Variants in WWOX observed in about 807,000 individuals in gnomAD.
WWOX encodes WW domain-containing oxidoreductase.
WWOX carries 69 observed loss-of-function variants against 46.2 expected under a neutral mutation model. That is an observed-to-expected ratio of 1.49 (90% CI 1.23 to 1.82). The LOEUF (loss-of-function observed/expected upper bound fraction) is 1.82, where lower values mean the gene tolerates loss of function less well. Ranked by LOEUF, WWOX falls within the 40% of genes most tolerant of loss-of-function variation. The pLI is 0.00. For synonymous variants in WWOX, 359 were observed against 202.6 expected (o/e 1.77, Z -6.56); for missense variants, 919 against 542.6 (o/e 1.69, Z -6.89).
At chr16:79,162,061 T>C (rs2050496962) in intron 8 of WWOX, among the ~76,000 whole-genome samples, 1 of 152,166 alleles carries the variant, frequency 6.6e-6, no homozygotes, top group South Asian at 2.1e-4. Flanking sequence ...AAGTTACGGG[T>C]AGTTATTGAA....
chr16:78,100,146 G>A (rs2031665318), intron 1 of WWOX: 5 of 1,323,834 alleles, frequency 3.8e-6, no homozygotes, highest in Non-Finnish European at 3.9e-6. Flanking sequence ...GCGGCGCGGC[G>A]AGGGCAAAGC....
intron 8 of WWOX, among the ~76,000 whole-genome samples, chr16:78,676,518 C>G (rs535711831): frequency 6.6e-6 from 1 of 151,804 alleles, no homozygotes; most frequent in South Asian, 2.1e-4. Flanking sequence ...CAGGAAAGCA[C>G]ATTGTTCCAA....
chr16:79,164,182 T>C (rs567063293), intron 8 of WWOX, among the ~76,000 whole-genome samples: 2 of 152,312 alleles, frequency 1.3e-5, no homozygotes, highest in Non-Finnish European at 2.9e-5. Context: ...ATCAATACTT[T>C]CATGTCTGTT....
intron 8 of WWOX, chr16:78,890,306 T>C (rs2044561197): frequency 7.3e-6 from 1 of 137,794 alleles, no homozygotes; most frequent in Admixed American, 6.8e-5. Flanking sequence ...TTATTTGACC[T>C]CTTGCCTCTC....
intron 5 of WWOX, chr16:78,167,834 T>G (rs2035022737): frequency 6.6e-6 from 1 of 152,250 alleles, no homozygotes; most frequent in African/African-American, 2.4e-5. Context: ...TCCTTGACCC[T>G]TGATATTTGC....
chr16:78,843,768 G>A (rs1597708475), intron 8 of WWOX, among the ~76,000 whole-genome samples: 2 of 152,148 alleles, frequency 1.3e-5, no homozygotes, highest in African/African-American at 2.4e-5. Flanking sequence ...TATTTAGCCA[G>A]AGCCAAAAGC....
intron 6 of WWOX, among the ~76,000 whole-genome samples, chr16:78,389,782 G>C (rs540356605): frequency 6.6e-6 from 1 of 152,046 alleles, no homozygotes; most frequent in Non-Finnish European, 1.5e-5. Context: ...ACAGGGTCTC[G>C]CTGTGTTGCC....
In WWOX at chr16:78,664,190, C is replaced by T. The variant is rs934790204; in HGVS notation, c.1056+231438C>T. Among the ~76,000 whole-genome samples, 4 of 152,184 alleles carry T rather than the reference C, an allele frequency of 2.6e-5. No homozygotes were observed. The East Asian group carries it at 7.7e-4, about 29-fold the overall frequency. ...GTGACAATAATGGAGATAGAGAAAA[C>T]AGGATGGATTCAGGAAACATGACCA... On this transcript the variant is annotated intron_variant, in intron 8 of 8. Transcript: ENST00000566780.
chr16:79,069,312 A>C (rs555505771), intron 8 of WWOX, among the ~76,000 whole-genome samples: 1 of 152,324 alleles, frequency 6.6e-6, no homozygotes, highest in East Asian at 1.9e-4. Flanking sequence ...GCTTCGCATT[A>C]ATCACCACCA....
intron 8 of WWOX, among the ~76,000 whole-genome samples, chr16:79,083,732 A>G (rs185157788): frequency 1.0e-3 from 156 of 152,290 alleles, no homozygotes; most frequent in Middle Eastern, 0.01. Flanking sequence ...ATTTGCTTCA[A>G]AGTTTTCACT....
chr16:78,906,420 C>G (rs2044966468), intron 8 of WWOX, among the ~76,000 whole-genome samples: 1 of 152,052 alleles, frequency 6.6e-6, no homozygotes, highest in African/African-American at 2.4e-5. Flanking sequence ...CCCTCCCCAA[C>G]CCTCCCCCAA....
At chr16:78,373,820 C>T (rs2151923643) in intron 5 of WWOX, among the ~76,000 whole-genome samples, 1 of 152,304 alleles carries the variant, frequency 6.6e-6, no homozygotes, top group African/African-American at 2.4e-5. Context: ...GACAGAGTCT[C>T]AGTGTCACCC....
chr16:79,025,433 C>G (rs532688945), intron 8 of WWOX, among the ~76,000 whole-genome samples: 3 of 152,222 alleles, frequency 2.0e-5, no homozygotes, highest in African/African-American at 7.2e-5. Flanking sequence ...AATCCAATGA[C>G]AGGTGTTTTC....
At chr16:79,096,308 C>T (rs1005708565) in intron 8 of WWOX, among the ~76,000 whole-genome samples, 1 of 152,056 alleles carries the variant, frequency 6.6e-6, no homozygotes, top group Non-Finnish European at 1.5e-5. Flanking sequence ...GAAGGCGTCC[C>T]CTGTTACTCG....
rs147949443 is a variant in WWOX, at chr16:78,735,807, G to T, written c.1056+303055G>T. Among the ~76,000 whole-genome samples, 428 of 143,668 alleles carry T rather than the reference G, an allele frequency of 3.0e-3. 4 individuals are homozygous for T. The highest frequency in any genetic ancestry group is 0.018 in the Middle Eastern group (5 of 276). 94.3% of individuals were successfully genotyped at this position (143,668 alleles called of 152,430 possible). A position where few individuals can be genotyped will look rare whatever the true frequency, so the allele number is the denominator to read the frequency against. ...CTGCCTTGCTTTAGGTGGAGGATCT[G>T]GTCAAGGCTTTGTGAATCAGGGGAT... On this transcript the variant is annotated intron_variant, in intron 8 of 8. Coordinates refer to ENST00000566780, the MANE Select transcript of WWOX (RefSeq NM_016373.4).
intron 8 of WWOX, among the ~76,000 whole-genome samples, chr16:78,807,291 C>A (rs188435004): frequency 1.4e-3 from 214 of 152,324 alleles, no homozygotes; most frequent in African/African-American, 5.0e-3. Flanking sequence ...CATCTCATAC[C>A]ACAATGTCAA....
intron 5 of WWOX, among the ~76,000 whole-genome samples, chr16:78,179,533 T>A (rs1464208619): frequency 6.6e-6 from 1 of 152,248 alleles, no homozygotes; most frequent in Non-Finnish European, 1.5e-5. Flanking sequence ...CGCTTCATGC[T>A]TAATTGGATG....
At chr16:78,124,393 C>T (rs1348847788) in intron 4 of WWOX, 3 of 152,010 alleles carry the variant, frequency 2.0e-5, no homozygotes, top group African/African-American at 7.3e-5. Flanking sequence ...CAGTTGAAAC[C>T]CCCTTGACCG....
chr16:78,676,293 G>A lies in WWOX; in HGVS notation c.1056+243541G>A, dbSNP rs79557854. Among the ~76,000 whole-genome samples the A allele has an allele frequency of 3.4e-3, 522 of 152,032 alleles. 3 individuals carry two copies. The highest frequency in any genetic ancestry group is 0.012 in the African/African-American group (487 of 41,474). ...AATTAACCTGCTACCATCCTCTAAA[G>A]AAGCGAGGGTCTCAGACTTTGTCCC... On this transcript the variant is annotated intron_variant, in intron 8 of 8. Coordinates refer to ENST00000566780, the MANE Select transcript of WWOX (RefSeq NM_016373.4).
Sources: gnomAD v4.1 joint callset for allele counts (sites outside exome capture counted in the v4.1 genomes callset) on GRCh38, gnomAD v4.1.1 for gene constraint, MANE v1.5 for transcripts, NCBI Gene and HGNC (gene_info 2026-07-23, HGNC 2026-07-21) for gene names.